Variants in FAM217B observed in about 807,000 individuals in gnomAD.
FAM217B encodes family with sequence similarity 217 member B, also known as protein FAM217B.
For synonymous variants in FAM217B, 163 were observed against 173.0 expected (o/e 0.94, Z 0.45); for missense variants, 463 against 456.9 (o/e 1.01, Z -0.12).
Position 59,943,935 on chromosome 20 carries a change from C to T in FAM217B, c.-4-5C>T. On this transcript the variant is annotated splice_region_variant and splice_polypyrimidine_tract_variant and intron_variant, in intron 3 of 3. Coordinates refer to ENST00000360816, the MANE Select transcript of FAM217B (RefSeq NM_022106.3). ...GGTAAGAATTGCAGTTTTATTTTCT[C>T]ACAGCAATATGAATGCTGGCCCATC... 1 of 1,571,362 alleles carries T rather than the reference C, an allele frequency of 6.4e-7. No homozygotes were observed. The highest frequency in any genetic ancestry group is 2.0e-5 in the Admixed American group (1 of 51,098).
upstream of FAM217B, chr20:59,939,021 C>A: frequency 6.7e-7 from 1 of 1,503,184 alleles, no homozygotes; most frequent in Non-Finnish European, 8.9e-7. Context: ...GGTGGCCGGT[C>A]CCCGCGCGGC....
rs773528627 is a variant in FAM217B, at chr20:59,944,045, A to C, written c.102A>C (p.Arg34Ser). 1 of 1,614,066 alleles carries C rather than the reference A, an allele frequency of 6.2e-7. No individual in the cohort carries two copies. The highest frequency in any genetic ancestry group is 1.3e-5 in the African/African-American group (1 of 74,924). Residue 34 changes from arginine to serine, a missense_variant, in exon 4 of 4, where the codon AGA (arginine) becomes AGC (serine). Arg to Ser is a moderately radical substitution (Grantham distance 110, BLOSUM62 -1). Transcript: ENST00000360816. The part of the protein sequence containing the change: ...SQVPHASSQP[R>S]SSLTAVTQPT... The stretch of plus-strand genomic sequence containing the variant: ...TACCCCACGCTTCTTCCCAGCCGAG[A>C]AGCAGCCTCACAGCTGTCACCCAGC...
upstream of FAM217B, chr20:59,939,302 GAA>G: frequency 6.2e-7 from 1 of 1,612,268 alleles, no homozygotes; most frequent in Non-Finnish European, 8.5e-7. Flanking sequence ...GCCAGCCCGA[GAA>G]AGTGTAGCGC....
In FAM217B at chr20:59,944,863, A is replaced by G; in HGVS notation, c.920A>G (p.Asp307Gly). ...SSKSTKLQRW[D>G]LSGSGSSSKV... Reference sequence around the variant, plus strand: ...AAGAGTACGAAGCTGCAGCGCTGGGATCTGTCCGGCAGTGGAAGCAGCTCT... The same window carrying G: ...AAGAGTACGAAGCTGCAGCGCTGGGGTCTGTCCGGCAGTGGAAGCAGCTCT... Residue 307 changes from aspartate to glycine, a missense_variant, in exon 4 of 4, where the codon GAT becomes GGT. Physicochemically the swap from Asp to Gly is moderately conservative, Grantham distance 94 (BLOSUM62 -1). Transcript: ENST00000360816. 6.2e-7 allele frequency: 1 copy of G among 1,614,202 alleles called. No homozygotes were observed. Among genetic ancestry groups the G allele is most frequent in the Non-Finnish European group, 8.5e-7 (1 of 1,180,036 alleles).
upstream of FAM217B, among the ~76,000 whole-genome samples, chr20:59,935,640 C>T (rs1358314898): frequency 6.6e-6 from 1 of 152,190 alleles, no homozygotes; most frequent in South Asian, 2.1e-4. Context: ...GTGGCATGTG[C>T]CTGTGCACCT....
Position 59,946,578 on chromosome 20 carries a change from G to A in FAM217B, c.*1483G>A, listed in dbSNP as rs1194507069. 6.0e-6 allele frequency: 1 copy of A among 166,988 alleles called. No homozygotes were observed. The highest frequency in any genetic ancestry group is 1.5e-5 in the Non-Finnish European group (1 of 68,096). The allele number at this position is 166,988 out of a possible 1,614,324, so 10.3% of individuals were successfully genotyped here. A position where few individuals can be genotyped will look rare whatever the true frequency, so the allele number is the denominator to read the frequency against. ...TATATTTTAAGGTCTTTTAAAATCT[G>A]ATTTTGATCATACCAAATGACATAA... On this transcript the variant is annotated 3_prime_UTR_variant, in exon 4 of 4. Coordinates refer to ENST00000360816, the MANE Select transcript of FAM217B (RefSeq NM_022106.3).
At chr20:59,933,857 A>C (rs1340538775) in intron 1 of FAM217B, 2 of 146,746 alleles carry the variant, frequency 1.4e-5, no homozygotes, top group African/African-American at 5.0e-5. Flanking sequence ...CCCTCAGGTT[A>C]GTGGGTCCCC....
At chr20:59,939,397 G>A (rs1425261384), upstream of FAM217B, 2 of 1,610,710 alleles carry the variant, frequency 1.2e-6, no homozygotes, top group Non-Finnish European at 1.7e-6. Flanking sequence ...ACACGCTCCA[G>A]GCACACGAGC....
At chr20:59,934,454 G>C (rs1601033973) in intron 1 of FAM217B, among the ~76,000 whole-genome samples, 1 of 152,138 alleles carries the variant, frequency 6.6e-6, no homozygotes, top group African/African-American at 2.4e-5. Flanking sequence ...TGTTTTCCCC[G>C]TGCTCGCGTT....
At position 59,942,303 on chromosome 20, in the gene FAM217B, A is replaced by T. The variant is rs1275523973; in HGVS notation, c.-97A>T. ...TGAGCAAGAATATTTTGAGCACTACAGGAAAGGTAATGTAAACTTAGAAGA... is the reference window on the plus strand; with the variant it reads ...TGAGCAAGAATATTTTGAGCACTACTGGAAAGGTAATGTAAACTTAGAAGA... On this transcript the variant is annotated 5_prime_UTR_variant, in exon 2 of 4. Coordinates refer to ENST00000360816, the MANE Select transcript of FAM217B (RefSeq NM_022106.3). 1 of 152,656 alleles carries T rather than the reference A, an allele frequency of 6.6e-6. No individual in the cohort carries two copies. The highest frequency in any genetic ancestry group is 1.5e-5 in the Non-Finnish European group (1 of 68,028). 9.5% of individuals were successfully genotyped at this position (152,656 alleles called of 1,614,324 possible). A position where few individuals can be genotyped will look rare whatever the true frequency, so the allele number is the denominator to read the frequency against.
At chr20:59,939,005 G>A (rs779121626), upstream of FAM217B, 21 of 1,488,690 alleles carry the variant, frequency 1.4e-5, no homozygotes, top group Admixed American at 2.2e-5. Flanking sequence ...AGGTGTGGAG[G>A]CTCCAGGTGG....
upstream of FAM217B, chr20:59,939,847 C>G: frequency 8.0e-7 from 1 of 1,243,764 alleles, no homozygotes; most frequent in East Asian, 3.1e-5. Context: ...CCGTCCAGGT[C>G]CGACAGGCAG....
chr20:59,939,973 G>T, upstream of FAM217B: 1 of 1,246,984 alleles, frequency 8.0e-7, no homozygotes, highest in South Asian at 4.1e-5. Flanking sequence ...GATGAGAGAC[G>T]ACCTCCCGAC....
At chr20:59,943,293 C>T (rs1360277890) in intron 3 of FAM217B, among the ~76,000 whole-genome samples, 1 of 152,148 alleles carries the variant, frequency 6.6e-6, no homozygotes, top group African/African-American at 2.4e-5. Flanking sequence ...ATATGTGTTA[C>T]AGGGCACCAT....
At chr20:59,939,970 G>T (rs559988450), upstream of FAM217B, 4 of 1,254,606 alleles carry the variant, frequency 3.2e-6, no homozygotes, top group South Asian at 4.0e-5. Context: ...AGGGATGAGA[G>T]ACGACCTCCC....
intron 1 of FAM217B, among the ~76,000 whole-genome samples, chr20:59,934,646 A>C (rs759361473): frequency 1.3e-5 from 2 of 152,262 alleles, no homozygotes; most frequent in Non-Finnish European, 2.9e-5. Flanking sequence ...GTGTCGGATC[A>C]ATTTTTAAAA....
At chr20:59,937,970 G>A (rs564399570), upstream of FAM217B, 1 of 152,284 alleles carries the variant, frequency 6.6e-6, no homozygotes, top group South Asian at 2.1e-4. Flanking sequence ...ATAAATATTT[G>A]TCAATTATTT....
chr20:59,935,287 C>T (rs1031285363), intron 1 of FAM217B, among the ~76,000 whole-genome samples: 3 of 151,964 alleles, frequency 2.0e-5, no homozygotes, highest in South Asian at 2.1e-4. Context: ...TTTACCTTGC[C>T]GCTTTTTAGT....
chr20:59,941,817 A>G (rs1263669024), intron 1 of FAM217B, among the ~76,000 whole-genome samples: 2 of 152,206 alleles, frequency 1.3e-5, no homozygotes, highest in Non-Finnish European at 2.9e-5. Flanking sequence ...GGGCAATGCA[A>G]TGATTGAACG....
Sources: gnomAD v4.1 joint callset for allele counts (sites outside exome capture counted in the v4.1 genomes callset) on GRCh38, gnomAD v4.1.1 for gene constraint, MANE v1.5 for transcripts, NCBI Gene and HGNC (gene_info 2026-07-23, HGNC 2026-07-21) for gene names.